The following GLIS3 variants were observed in gnomAD, a reference collection of about 807,000 sequenced individuals.
The protein encoded by GLIS3 is GLIS family zinc finger 3.
GLIS3 carries 53 observed loss-of-function variants against 78.6 expected under a neutral mutation model. The ratio of observed to expected loss-of-function variants is 0.67; its 90% CI spans 0.54 to 0.85. The LOEUF is 0.85. Among genes scored for constraint, GLIS3 ranks in the 40% least tolerant of loss-of-function variants. The pLI, the probability that GLIS3 is intolerant of heterozygous loss-of-function variation, is 0.00. For missense variants in GLIS3, 1,703 were observed against 1,231.1 expected (o/e 1.38, Z -5.74); for synonymous variants, 684 against 509.9 (o/e 1.34, Z -4.60).
At chr9:4,434,820 C>A in the GLIS3 span, among the ~76,000 whole-genome samples, 1 of 152,148 alleles carries the variant, frequency 6.6e-6, no homozygotes, top group Non-Finnish European at 1.5e-5. Context: ...CATTCTAATG[C>A]CCATTTTAAG....
At chr9:4,015,514 G>C (rs1032761438) in intron 4 of GLIS3, among the ~76,000 whole-genome samples, 7 of 152,180 alleles carry the variant, frequency 4.6e-5, no homozygotes, top group Non-Finnish European at 1.5e-5. Flanking sequence ...TCATGAAGCT[G>C]AGAACACCCT....
intron 2 of GLIS3, among the ~76,000 whole-genome samples, chr9:4,193,524 C>T (rs1818519231): frequency 1.3e-5 from 2 of 152,116 alleles, no homozygotes; most frequent in African/African-American, 2.4e-5. Context: ...ACTCAATAGA[C>T]AGCTGAGAAA....
chr9:4,031,177 A>C (rs902933209), intron 4 of GLIS3, among the ~76,000 whole-genome samples: 1 of 152,240 alleles, frequency 6.6e-6, no homozygotes, highest in African/African-American at 2.4e-5. Context: ...AATGGTACTC[A>C]AACAAATACG....
At chr9:4,259,995 A>T (rs1825354574) in intron 2 of GLIS3, among the ~76,000 whole-genome samples, 1 of 152,194 alleles carries the variant, frequency 6.6e-6, no homozygotes, top group South Asian at 2.1e-4. Context: ...AAGTGGGGAA[A>T]TTTAAGCAAG....
chr9:3,831,959 T>A (rs922091782), intron 9 of GLIS3, among the ~76,000 whole-genome samples: 3 of 151,848 alleles, frequency 2.0e-5, no homozygotes, highest in Non-Finnish European at 2.9e-5. Context: ...TTTGGGTATT[T>A]TTTTTTTGCC....
the GLIS3 span, among the ~76,000 whole-genome samples, chr9:4,409,297 C>T: frequency 1.3e-5 from 2 of 152,100 alleles, no homozygotes; most frequent in African/African-American, 4.8e-5. Context: ...TTCAGGTTGA[C>T]AAAGTAAACT....
intron 8 of GLIS3, among the ~76,000 whole-genome samples, chr9:3,873,228 C>T (rs1821078662): frequency 1.3e-5 from 2 of 152,260 alleles, no homozygotes; most frequent in African/African-American, 4.8e-5. Flanking sequence ...ACAGTCATTC[C>T]ATGAGGCCAG....
At chr9:4,189,576 C>T (rs1311048820) in intron 2 of GLIS3, among the ~76,000 whole-genome samples, 1 of 152,052 alleles carries the variant, frequency 6.6e-6, no homozygotes, top group African/African-American at 2.4e-5. Context: ...GTTGATCTGT[C>T]TAATGTTGAC....
At chr9:3,860,866 A>T (rs1820169943) in intron 8 of GLIS3, among the ~76,000 whole-genome samples, 6 of 152,212 alleles carry the variant, frequency 3.9e-5, no homozygotes, top group Admixed American at 2.6e-4. Flanking sequence ...ATAGAGCAAC[A>T]AAAGACACAT....
chr9:4,333,337 G>T (rs1333149277), intron 2 of GLIS3, among the ~76,000 whole-genome samples: 1 of 150,566 alleles, frequency 6.6e-6, no homozygotes, highest in Non-Finnish European at 1.5e-5. Context: ...GGAAGGAAAG[G>T]AAAGAAAAAA....
At chr9:4,447,323 T>C in the GLIS3 span, among the ~76,000 whole-genome samples, 1 of 151,942 alleles carries the variant, frequency 6.6e-6, no homozygotes, top group Non-Finnish European at 1.5e-5. Flanking sequence ...CTAGGATTGA[T>C]CCATTTGTGA....
At chr9:4,166,739 G>C (rs887287667) in intron 2 of GLIS3, among the ~76,000 whole-genome samples, 1 of 152,232 alleles carries the variant, frequency 6.6e-6, no homozygotes, top group Non-Finnish European at 1.5e-5. Context: ...TCTGATGAAG[G>C]CATAAGTGAA....
intron 2 of GLIS3, among the ~76,000 whole-genome samples, chr9:4,173,724 G>A (rs776527161): frequency 6.6e-6 from 1 of 152,098 alleles, no homozygotes; most frequent in African/African-American, 2.4e-5. Flanking sequence ...AGCCTCCGGA[G>A]TAGCTGGAAC....
rs866114660 is a variant in GLIS3, at chr9:4,229,538, C to T, written c.388+56500G>A. Among the ~76,000 whole-genome samples the T allele has an allele frequency of 3.3e-5, 5 of 152,216 alleles. 1 individual carries two copies. The highest frequency in any genetic ancestry group is 6.8e-3 in the Middle Eastern group (2 of 294). On this transcript the variant is annotated intron_variant, in intron 2 of 10. Coordinates refer to ENST00000381971, the MANE Select transcript of GLIS3 (RefSeq NM_001042413.2). ...TCTCCTGCACAGTGTTATCCTTAAA[C>T]GTAAAGTATTCACGGTACATTTAAA... is the stretch of plus-strand genomic sequence containing the variant.
At chr9:3,863,127 C>G (rs1331095085) in intron 8 of GLIS3, among the ~76,000 whole-genome samples, 1 of 152,178 alleles carries the variant, frequency 6.6e-6, no homozygotes, top group Admixed American at 6.5e-5. Context: ...GATAATACCC[C>G]ACTTTGTATA....
intron 4 of GLIS3, among the ~76,000 whole-genome samples, chr9:4,090,290 T>C (rs764328): frequency 0.4 from 61,312 of 151,872 alleles, 12,569 homozygotes; most frequent in Middle Eastern, 0.54. Flanking sequence ...ACTGCGGTCC[T>C]GGCTCAATAT....
the GLIS3 span, among the ~76,000 whole-genome samples, chr9:4,424,006 A>AT: frequency 3.3e-5 from 5 of 152,252 alleles, no homozygotes; most frequent in Admixed American, 3.3e-4. Flanking sequence ...CTTAACTTGA[A>AT]TGAGGTCAGG....
At chr9:3,932,287 G>T in intron 6 of GLIS3, 73 bp downstream of exon 6, 1 of 1,175,940 alleles carries the variant, frequency 8.5e-7, no homozygotes, top group Non-Finnish European at 1.3e-6. Context: ...CAAGTGCCCT[G>T]CAGAAGCTTC....
chr9:3,839,358 C>G (rs1818574199), intron 9 of GLIS3, among the ~76,000 whole-genome samples: 1 of 152,152 alleles, frequency 6.6e-6, no homozygotes, highest in South Asian at 2.1e-4. Context: ...ATCACACAAT[C>G]TCCTACTAAG....
Sources: allele counts gnomAD v4.1 joint callset (sites outside exome capture counted in the v4.1 genomes callset), GRCh38; gene constraint gnomAD v4.1.1; transcripts MANE v1.5; gene names NCBI Gene and HGNC (gene_info 2026-07-23, HGNC 2026-07-21).